Variants in CD4 observed in about 807,000 individuals in gnomAD.
CD4 encodes CD4 molecule.
CD4 carries 25 observed loss-of-function variants against 50.5 expected under a neutral mutation model. The ratio of observed to expected loss-of-function variants is 0.49; its 90% confidence interval spans 0.36 to 0.69. CD4 has a LOEUF of 0.69. Among genes scored for constraint, CD4 ranks in the 30% least tolerant of loss-of-function variants. CD4 has a pLI of 0.00. For synonymous variants in CD4, 207 were observed against 221.9 expected (o/e 0.93, Z 0.60); for missense variants, 456 against 548.5 (o/e 0.83, Z 1.68).
intron 3 of CD4, chr12:6,813,653 G>A (rs1430021121): frequency 6.5e-6 from 1 of 153,094 alleles, no homozygotes; most frequent in African/African-American, 2.4e-5. Flanking sequence ...ATTTGGTTTT[G>A]TATATACATT....
intron 1 of CD4, among the ~76,000 whole-genome samples, chr12:6,794,200 G>A (rs1462642417): frequency 4.7e-5 from 7 of 149,970 alleles, no homozygotes; most frequent in African/African-American, 1.7e-4. Flanking sequence ...AGCCTCCTCA[G>A]TAGCTGGGAC....
chr12:6,797,901 T>C (rs1246160028), intron 1 of CD4, among the ~76,000 whole-genome samples: 2 of 152,184 alleles, frequency 1.3e-5, no homozygotes, highest in African/African-American at 4.8e-5. Flanking sequence ...GACAGATGCC[T>C]TCCTCTTATC....
At chr12:6,791,007 G>A (rs574728739) in intron 1 of CD4, among the ~76,000 whole-genome samples, 36 of 152,182 alleles carry the variant, frequency 2.4e-4, no homozygotes, top group Non-Finnish European at 3.5e-4. Flanking sequence ...CAAAATGGCC[G>A]CCGCCCTCAA....
At chr12:6,793,696 CTATCTATCT>C (rs1177240949) in intron 1 of CD4, among the ~76,000 whole-genome samples, 27 of 33,424 alleles carry the variant, frequency 8.1e-4, no homozygotes, top group African/African-American at 1.6e-3. Flanking sequence ...ATCTATCTAT[CTATCTATCT>C]TTTTTTTTTT....
Position 6,814,215 on chromosome 12 carries a change from C to A in CD4, c.288C>A (p.Ile96=), listed in dbSNP as rs782396305. The A allele has an allele frequency of 1.9e-6, 3 of 1,613,922 alleles. No individual in the cohort carries two copies. The highest frequency in any genetic ancestry group is 1.7e-5 in the Admixed American group (1 of 60,004). ...LWDQGNFPLI[I]KNLKIEDSDT... is the part of the protein sequence containing the mutation. ...ACCAAGGAAACTTTCCCCTGATCAT[C>A]AAGAATCTTAAGATAGAAGACTCAG... Residue 96 remains isoleucine (I), a synonymous_variant, in exon 4 of 10, where the codon ATC becomes ATA. Transcript: ENST00000011653.
In CD4 at chr12:6,792,068, G is replaced by A. The variant is rs555935629; in HGVS notation, c.-68+2406G>A. Among the ~76,000 whole-genome samples, 1 of 152,278 alleles carries A rather than the reference G, an allele frequency of 6.6e-6. No homozygotes were observed. The highest frequency in any genetic ancestry group is 1.5e-5 in the Non-Finnish European group (1 of 68,016). ...GAGGTTGCAGCCACCAACCACAAGA[G>A]TTCCTTAGAGGGGTCACAGTCTCTA... is the stretch of plus-strand genomic sequence containing the variant. On this transcript the variant is annotated intron_variant, in intron 1 of 9. Transcript: ENST00000011653. The surrounding 1 kb of genome is among the most constrained non-coding windows in gnomAD (Gnocchi z 4.1).
Position 6,793,506 on chromosome 12 carries a change from C to A in CD4, c.-68+3844C>A, listed in dbSNP as rs149939352. 3.5e-3 allele frequency among the ~76,000 whole-genome samples: 531 copies of A among 152,276 alleles called. 1 individual carries two copies. The highest frequency in any genetic ancestry group is 5.3e-3 in the Non-Finnish European group (359 of 68,022). On this transcript the variant is annotated intron_variant, in intron 1 of 9. Transcript: ENST00000011653. ...CTACTCTTCTCACTGCAGCCTTCCCCTAGATGCCTCCCATCTGCATGCTAA... is the reference window on the plus strand; with the variant it reads ...CTACTCTTCTCACTGCAGCCTTCCCATAGATGCCTCCCATCTGCATGCTAA...
chr12:6,802,632 G>A (rs782531595), intron 3 of CD4, among the ~76,000 whole-genome samples: 3 of 152,190 alleles, frequency 2.0e-5, no homozygotes, highest in South Asian at 2.1e-4. Context: ...GTTGTTCGGC[G>A]TGGAGAATAT....
At chr12:6,817,396 C>A in intron 7 of CD4, 66 bp downstream of exon 7, 2 of 1,372,754 alleles carry the variant, frequency 1.5e-6, no homozygotes, top group Non-Finnish European at 2.0e-6. Flanking sequence ...TTGGCAGAGA[C>A]CACCCAGAGT....
chr12:6,805,984 C>G (rs1169483003), intron 3 of CD4, among the ~76,000 whole-genome samples: 1 of 151,766 alleles, frequency 6.6e-6, no homozygotes, highest in Non-Finnish European at 1.5e-5. Context: ...AATAATTTTG[C>G]TCTGCAAAAT....
At chr12:6,791,086 G>A (rs1942143868) in intron 1 of CD4, among the ~76,000 whole-genome samples, 2 of 152,318 alleles carry the variant, frequency 1.3e-5, no homozygotes, top group South Asian at 4.1e-4. Flanking sequence ...CTTTCAATGT[G>A]GGAGCACTTA....
At chr12:6,794,668 G>T (rs958986112) in intron 1 of CD4, among the ~76,000 whole-genome samples, 10 of 151,774 alleles carry the variant, frequency 6.6e-5, no homozygotes, top group African/African-American at 2.4e-4. Flanking sequence ...CACTGCATCC[G>T]GCCTTATATA....
chr12:6,795,253 ATCTAATCTG>A (rs1314551617), intron 1 of CD4, among the ~76,000 whole-genome samples: 1 of 151,918 alleles, frequency 6.6e-6, no homozygotes, highest in Non-Finnish European at 1.5e-5. Flanking sequence ...CATCTAATCT[ATCTAATCTG>A]TCTATCTAAT....
In CD4 at chr12:6,814,132, C is replaced by T; in HGVS notation, c.215-10C>T. 5 of 1,612,828 alleles carry T rather than the reference C, an allele frequency of 3.1e-6. No homozygotes were observed. The highest frequency in any genetic ancestry group is 4.2e-6 in the Non-Finnish European group (5 of 1,179,326). On this transcript the variant is annotated splice_polypyrimidine_tract_variant and intron_variant, in intron 3 of 9. Transcript: ENST00000011653. ...GCCTCAGTCCCCCCCCATATGTCTT[C>T]TGCTCCCAGGTCCATCCAAGCTGAA...
chr12:6,796,169 T>A (rs1260127178), intron 1 of CD4, among the ~76,000 whole-genome samples: 1 of 152,204 alleles, frequency 6.6e-6, no homozygotes, highest in Non-Finnish European at 1.5e-5. Context: ...AGGCTTGTGG[T>A]GGCCACACAG....
intron 9 of CD4, 54 bp from the exon 10 acceptor site, chr12:6,819,245 G>T (rs868951676): frequency 1.9e-6 from 3 of 1,593,688 alleles, no homozygotes; most frequent in Non-Finnish European, 1.7e-6. Context: ...GTGCTAGAAC[G>T]CAAAGGGGTT....
At chr12:6,795,075 TG>T (rs1942330091) in intron 1 of CD4, among the ~76,000 whole-genome samples, 1 of 151,040 alleles carries the variant, frequency 6.6e-6, no homozygotes, top group Non-Finnish European at 1.5e-5. Context: ...TGTGAGCCAC[TG>T]TGTCTGTCCC....
chr12:6,793,696 CTATCT>C (rs1942256002), intron 1 of CD4, among the ~76,000 whole-genome samples: 2 of 33,432 alleles, frequency 6.0e-5, no homozygotes, highest in South Asian at 3.1e-3. Context: ...ATCTATCTAT[CTATCT>C]ATCTTTTTTT....
intron 1 of CD4, among the ~76,000 whole-genome samples, chr12:6,795,098 CTCTATCTATCTATCTATCTA>C (rs10667545): frequency 6.8e-6 from 1 of 147,104 alleles, no homozygotes; most frequent in African/African-American, 2.5e-5. Flanking sequence ...AAATGTCTGT[CTCTATCTATCTATCTATCTA>C]TCTATCTATC....
Sources: allele counts gnomAD v4.1 joint callset (sites outside exome capture counted in the v4.1 genomes callset), GRCh38; gene constraint gnomAD v4.1.1; non-coding constraint Gnocchi (gnomAD v3.1); transcripts MANE v1.5; gene names NCBI Gene and HGNC (gene_info 2026-07-23, HGNC 2026-07-21).